Variants in FAIM2 observed in about 807,000 individuals in gnomAD.
FAIM2 encodes protein lifeguard 2.
FAIM2 carries 27 observed loss-of-function variants against 47.4 expected under a neutral mutation model. The observed-to-expected ratio is 0.57, with a 90% CI of 0.42 to 0.78. The LOEUF is 0.78. Among genes scored for constraint, FAIM2 ranks in the 30% least tolerant of loss-of-function variants. The probability of loss-of-function intolerance (pLI) is 0.00; values close to 1 mark genes in which losing one functional copy is unlikely to be tolerated. For missense variants in FAIM2, 311 were observed against 389.4 expected, an observed-to-expected ratio of 0.80 and a Z score of 1.69; for synonymous variants, 156 against 159.3, an observed-to-expected ratio of 0.98 and a Z score of 0.16.
chr12:49,892,323 T>G (rs950910254), intron 5 of FAIM2, among the ~76,000 whole-genome samples: 1 of 152,000 alleles, frequency 6.6e-6, no homozygotes, highest in African/African-American at 2.4e-5. Context: ...CACACAAGCC[T>G]CCTCAGCTGT....
chr12:49,887,989 ACT>A (rs1302392293), intron 10 of FAIM2, among the ~76,000 whole-genome samples: 1 of 151,584 alleles, frequency 6.6e-6, no homozygotes, highest in African/African-American at 2.4e-5. Flanking sequence ...GCACCTCCCC[ACT>A]CTCTGCCCCC....
chr12:49,879,511 C>A (rs1565614100), intron 11 of FAIM2, among the ~76,000 whole-genome samples: 1 of 124,094 alleles, frequency 8.1e-6, no homozygotes, highest in East Asian at 2.4e-4. Flanking sequence ...TATGTATGTG[C>A]ATGTGTGTGT....
chr12:49,879,421 T>TATGTGTGTATGTGC (rs1946783005), intron 11 of FAIM2, among the ~76,000 whole-genome samples: 1 of 146,484 alleles, frequency 6.8e-6, no homozygotes, highest in East Asian at 2.1e-4. Flanking sequence ...CATGTGAGTG[T>TATGTGTGTATGTGC]ATGTGTGTAT....
rs1232720469 is a variant in FAIM2, at chr12:49,901,315, G to C, written c.26C>G (p.Ala9Gly). Residue 9 changes from alanine (A) to glycine (G), a missense_variant, in exon 2 of 12, where the codon GCT becomes GGT. Transcript: ENST00000320634. ...CCCCTCGGTCCCAGGGGCCTTGTTA[G>C]CCACGGAGAGCTATGGAGTAGAGTC... is the stretch of plus-strand genomic sequence containing the variant. MTQGKLSVANKAPGTEGQQ... is the reference protein window; with the variant it reads MTQGKLSVGNKAPGTEGQQ... The C allele has an allele frequency of 8.8e-6, 14 of 1,586,654 alleles. No individual in the cohort carries two copies. The South Asian group carries it at 1.0e-4, about 12-fold the overall frequency.
At position 49,869,573 on chromosome 12, in the gene FAIM2, T is replaced by C; in HGVS notation, c.*931A>G. The stretch of plus-strand genomic sequence containing the variant: ...TTCCAGATGGGGCTGGCCTGGCAGC[T>C]ACAGCGATTGCCTCCTCCCCCAGAA... On this transcript the variant is annotated 3_prime_UTR_variant, in exon 12 of 12. Transcript: ENST00000320634. 1 of 152,692 alleles carries C rather than the reference T, an allele frequency of 6.5e-6. No homozygotes were observed. Among genetic ancestry groups the C allele is most frequent in the South Asian group, 2.1e-4 (1 of 4,828 alleles). The allele number at this position is 152,692 out of a possible 1,614,324, so 9.5% of individuals were successfully genotyped here.
intron 11 of FAIM2, among the ~76,000 whole-genome samples, chr12:49,876,879 G>C (rs1946740401): frequency 6.6e-6 from 1 of 152,234 alleles, no homozygotes; most frequent in South Asian, 2.1e-4. Flanking sequence ...ACAACAGCCT[G>C]TGAGACAGGC....
At chr12:49,880,586 ATGTGCATGTGTATGTG>A (rs1592787846) in intron 11 of FAIM2, among the ~76,000 whole-genome samples, 2 of 141,684 alleles carry the variant, frequency 1.4e-5, no homozygotes, top group South Asian at 2.3e-4. Context: ...GCATGTGTAT[ATGTGCATGTGTATGTG>A]TGTGCATGTG....
chr12:49,880,324 G>A (rs1024431926), intron 11 of FAIM2, among the ~76,000 whole-genome samples: 2 of 151,622 alleles, frequency 1.3e-5, no homozygotes, highest in Admixed American at 6.6e-5. Context: ...ATGTGTATGT[G>A]TGTCTGTGTG....
chr12:49,877,934 ATG>A (rs560450455), intron 11 of FAIM2, among the ~76,000 whole-genome samples: 64 of 148,126 alleles, frequency 4.3e-4, no homozygotes, highest in Non-Finnish European at 6.7e-4. Flanking sequence ...ATGCATCTGT[ATG>A]TGTGTATATG....
chr12:49,895,325 C>T (rs535527576), intron 5 of FAIM2, among the ~76,000 whole-genome samples: 1 of 152,126 alleles, frequency 6.6e-6, no homozygotes, highest in African/African-American at 2.4e-5. Context: ...CCTCCCAATC[C>T]CCCCATCCCC....
chr12:49,888,983 C>T lies in FAIM2; in HGVS notation c.747+124G>A. 4 of 723,116 alleles carry T rather than the reference C, an allele frequency of 5.5e-6. No individual in the cohort carries two copies. In the South Asian group the frequency reaches 6.2e-5, roughly 11 times the overall value. The allele number at this position is 723,116 out of a possible 1,614,324, so 44.8% of individuals were successfully genotyped here. On this transcript the variant is annotated intron_variant, in intron 10 of 11. Coordinates refer to ENST00000320634, the MANE Select transcript of FAIM2 (RefSeq NM_012306.4). Reference sequence around the variant, plus strand: ...GTGGCAGGTGCCAGGAGGGGCCGCACAGGATGGCAGGCTGTGGGGCCTTGG... The same window carrying T: ...GTGGCAGGTGCCAGGAGGGGCCGCATAGGATGGCAGGCTGTGGGGCCTTGG...
At chr12:49,894,609 G>C (rs1946922905) in intron 5 of FAIM2, among the ~76,000 whole-genome samples, 2 of 152,192 alleles carry the variant, frequency 1.3e-5, no homozygotes, top group Admixed American at 1.3e-4. Flanking sequence ...TCTGTTTACA[G>C]AATGTCAGGA....
At chr12:49,881,259 T>C (rs1222412106) in intron 11 of FAIM2, among the ~76,000 whole-genome samples, 1 of 151,554 alleles carries the variant, frequency 6.6e-6, no homozygotes, top group Admixed American at 6.6e-5. Context: ...AGCTTCTCAC[T>C]AATCTTCCTT....
At chr12:49,897,883 A>C (rs1946950328) in intron 3 of FAIM2, 104 bp downstream of exon 3, 1 of 861,812 alleles carries the variant, frequency 1.2e-6, no homozygotes, top group African/African-American at 1.7e-5. Context: ...TCACAAGAGA[A>C]GGGGGCAGGG....
At position 49,878,388 on chromosome 12, in the gene FAIM2, ATGTG is replaced by A; in HGVS notation, c.802-7739_802-7736del. 1.0e-4 allele frequency among the ~76,000 whole-genome samples: 2 copies of A among 19,544 alleles called. 1 individual carries two copies. The highest frequency in any genetic ancestry group is 3.1e-3 in the East Asian group (2 of 644). The allele number at this position is 19,544 out of a possible 152,430, so 12.8% of individuals were successfully genotyped here. On this transcript the variant is annotated intron_variant, in intron 11 of 11. Coordinates refer to ENST00000320634, the MANE Select transcript of FAIM2 (RefSeq NM_012306.4). ...TATGTGGGCATGTGCATGTGTGTAT[ATGTG>A]TGTGTCTGTGTGCATGTGAGTGTAT... is the stretch of plus-strand genomic sequence containing the variant.
At chr12:49,889,254 C>T (rs1344458520) in intron 9 of FAIM2, 52 bp from the exon 10 acceptor site, 5 of 1,424,160 alleles carry the variant, frequency 3.5e-6, no homozygotes, top group Non-Finnish European at 4.9e-6. Context: ...CTTCCTGGGG[C>T]CCCAACTACA....
At chr12:49,882,916 A>G (rs1946835978) in intron 11 of FAIM2, among the ~76,000 whole-genome samples, 1 of 152,198 alleles carries the variant, frequency 6.6e-6, no homozygotes, top group Non-Finnish European at 1.5e-5. Flanking sequence ...AATGAGCAAC[A>G]GATCAGAAAA....
At chr12:49,884,307 G>A (rs564553490) in intron 11 of FAIM2, among the ~76,000 whole-genome samples, 1 of 152,050 alleles carries the variant, frequency 6.6e-6, no homozygotes, top group Non-Finnish European at 1.5e-5. Flanking sequence ...GAAGGAGAGA[G>A]GGAGGAGAGC....
At chr12:49,889,899 C>T (rs1851879512) in intron 8 of FAIM2, among the ~76,000 whole-genome samples, 1 of 152,086 alleles carries the variant, frequency 6.6e-6, no homozygotes, top group African/African-American at 2.4e-5. Flanking sequence ...GGAGGAGCCA[C>T]CTTGCTCCCC....
Sources: allele counts gnomAD v4.1 joint callset (sites outside exome capture counted in the v4.1 genomes callset), GRCh38; gene constraint gnomAD v4.1.1; transcripts MANE v1.5; gene names NCBI Gene and HGNC (gene_info 2026-07-23, HGNC 2026-07-21).